The following ATXN2 variants were observed in gnomAD, a reference collection of about 807,000 sequenced individuals.
ATXN2 encodes ataxin 2.
ATXN2 carries 37 observed loss-of-function variants against 138.6 expected under a neutral mutation model. That is an observed-to-expected ratio of 0.27 (90% CI 0.21 to 0.35). The LOEUF (loss-of-function observed/expected upper bound fraction) is 0.35, where lower values mean the gene tolerates loss of function less well. ATXN2 is among the 10% of genes least tolerant of loss of function. The pLI, the probability that ATXN2 is intolerant of heterozygous loss-of-function variation, is 1.00. For synonymous variants in ATXN2, 549 were observed against 543.7 expected (o/e 1.01, Z -0.13); for missense variants, 1,216 against 1,480.3 (o/e 0.82, Z 2.93).
chr12:111,509,408 G>C, intron 14 of ATXN2, 141 bp downstream of exon 14: 3 of 584,252 alleles, frequency 5.1e-6, no homozygotes, highest in Non-Finnish European at 9.3e-6. Context: ...GATAGGCAAA[G>C]ACCACTTTAA....
intron 1 of ATXN2, among the ~76,000 whole-genome samples, chr12:111,594,300 T>G (rs370061543): frequency 6.6e-6 from 1 of 152,190 alleles, no homozygotes; most frequent in African/African-American, 2.4e-5. Context: ...TCACTGAAAT[T>G]TAAATGGAAG....
intron 1 of ATXN2, among the ~76,000 whole-genome samples, chr12:111,595,067 T>C (rs1884868780): frequency 6.6e-6 from 1 of 152,184 alleles, no homozygotes; most frequent in South Asian, 2.1e-4. Flanking sequence ...AATTTTTCCT[T>C]TAAAAATTCC....
chr12:111,486,714 T>G (rs1877669528), intron 16 of ATXN2, 47 bp downstream of exon 16: 2 of 1,498,250 alleles, frequency 1.3e-6, no homozygotes, highest in Non-Finnish European at 9.2e-7. Flanking sequence ...ACTAATAATT[T>G]TTCTTTTTTT....
Position 111,598,481 on chromosome 12 carries a change from G to C in ATXN2, c.251+303C>G, listed in dbSNP as rs541696191. On this transcript the variant is annotated intron_variant, in intron 1 of 24. Transcript: ENST00000673436. The surrounding 1 kb of genome is among the most constrained non-coding windows in gnomAD (Gnocchi z 4.5). ...GGGGGAGCCGGGGCTGACCATCGCC[G>C]CTACCCGAGAACCCCTCCCAACACG... is the stretch of plus-strand genomic sequence containing the variant. The C allele has an allele frequency of 1.3e-4, 131 of 984,900 alleles. No homozygotes were observed. In the African/African-American group the frequency reaches 1.8e-3, roughly 13 times the overall value. The allele number at this position is 984,900 out of a possible 1,614,324, so 61.0% of individuals were successfully genotyped here. A position where few individuals can be genotyped will look rare whatever the true frequency, so the allele number is the denominator to read the frequency against.
In ATXN2 at chr12:111,474,890, G is replaced by T. The variant is rs937425159; in HGVS notation, c.2525-4148C>A. Among the ~76,000 whole-genome samples, 6 of 149,902 alleles carry T rather than the reference G, an allele frequency of 4.0e-5. No homozygotes were observed. The Admixed American group carries it at 4.0e-4, about 10-fold the overall frequency. On this transcript the variant is annotated intron_variant, in intron 18 of 24. Transcript: ENST00000673436. ...TTTGAGGTCAGGAGTTCAAGACCGG[G>T]CTGGCCAACATGGTGAAACCCCATC...
chr12:111,537,308 G>A (rs996702369), intron 5 of ATXN2, among the ~76,000 whole-genome samples: 55 of 152,162 alleles, frequency 3.6e-4, no homozygotes, highest in African/African-American at 1.3e-3. Flanking sequence ...TATATGGCCA[G>A]ATGCGGTGGC....
chr12:111,505,405 A>G (rs1592841803), intron 14 of ATXN2, among the ~76,000 whole-genome samples: 1 of 152,234 alleles, frequency 6.6e-6, no homozygotes, highest in Non-Finnish European at 1.5e-5. Flanking sequence ...GAAAAAGTAA[A>G]AAGACAACCA....
At position 111,552,525 on chromosome 12, in the gene ATXN2, C is replaced by A. The variant is rs1882175769; in HGVS notation, c.421-95G>T. ...CATCAAGGTACCAGTTCTTATATGC[C>A]TTTGACAAAAATAATCTCAAGAGAA... On this transcript the variant is annotated intron_variant, in intron 4 of 24. Coordinates refer to ENST00000673436, the MANE Select transcript of ATXN2 (RefSeq NM_001372574.1). The surrounding 1 kb of genome is among the most constrained non-coding windows in gnomAD (Gnocchi z 4.1). 7.9e-7 allele frequency: 1 copy of A among 1,258,772 alleles called. No homozygotes were observed. Among genetic ancestry groups the A allele is most frequent in the Non-Finnish European group, 1.1e-6 (1 of 926,838 alleles). 78.0% of individuals were successfully genotyped at this position (1,258,772 alleles called of 1,614,324 possible).
At chr12:111,481,019 T>C (rs781100121) in intron 18 of ATXN2, among the ~76,000 whole-genome samples, 2 of 152,140 alleles carry the variant, frequency 1.3e-5, no homozygotes, top group Non-Finnish European at 2.9e-5. Context: ...AGTAAAAAGA[T>C]AACCTATAGT....
intron 1 of ATXN2, among the ~76,000 whole-genome samples, chr12:111,574,298 ACT>A (rs1883507466): frequency 8.4e-6 from 1 of 119,008 alleles, no homozygotes; most frequent in African/African-American, 3.4e-5. Flanking sequence ...ACAGAGCAAG[ACT>A]CTGTCTCCAA....
At position 111,494,891 on chromosome 12, in the gene ATXN2, C is replaced by T. The variant is rs181216996; in HGVS notation, c.1936-6111G>A. 8.5e-5 allele frequency among the ~76,000 whole-genome samples: 13 copies of T among 152,160 alleles called. No homozygotes were observed. In the East Asian group the frequency reaches 2.5e-3, roughly 29 times the overall value. On this transcript the variant is annotated intron_variant, in intron 14 of 24. Transcript: ENST00000673436. ...AGAAGGGGGAAGGGAGGGAGTAGGA[C>T]TACAAAACAACCAGATAATAAGTAA...
chr12:111,470,370 G>T, intron 19 of ATXN2, 130 bp from the exon 20 acceptor site: 1 of 1,271,214 alleles, frequency 7.9e-7, no homozygotes, highest in Non-Finnish European at 1.1e-6. Flanking sequence ...AATCTTTCTT[G>T]GCTGTTTCCT....
intron 1 of ATXN2, among the ~76,000 whole-genome samples, chr12:111,585,089 T>A (rs1340688833): frequency 6.6e-6 from 1 of 152,200 alleles, no homozygotes; most frequent in South Asian, 2.1e-4. Context: ...GAAAAATACT[T>A]CTTTGGGAGA....
At position 111,599,249 on chromosome 12, in the gene ATXN2, G is replaced by A. The variant is rs1318594762; in HGVS notation, c.-215C>T. Reference sequence around the variant, plus strand: ...GAGACCAAGGAGCCGCCGGGAGCCGGGCCGAAACGCGCCGCCGCCGTTGCC... The same window carrying A: ...GAGACCAAGGAGCCGCCGGGAGCCGAGCCGAAACGCGCCGCCGCCGTTGCC... On this transcript the variant is annotated 5_prime_UTR_variant, in exon 1 of 25. Coordinates refer to ENST00000673436, the MANE Select transcript of ATXN2 (RefSeq NM_001372574.1). 6.7e-6 allele frequency: 8 copies of A among 1,196,364 alleles called. No homozygotes were observed. The South Asian group carries it at 2.4e-4, about 36-fold the overall frequency. The allele number at this position is 1,196,364 out of a possible 1,614,324, so 74.1% of individuals were successfully genotyped here. A position where few individuals can be genotyped will look rare whatever the true frequency, so the allele number is the denominator to read the frequency against.
intron 5 of ATXN2, among the ~76,000 whole-genome samples, chr12:111,534,170 C>CAGGTG (rs77758158): frequency 0.035 from 5,386 of 152,054 alleles, 144 homozygotes; most frequent in South Asian, 0.055. Context: ...GAAGCCAAGG[C>CAGGTG]AGGTGGACTG....
chr12:111,594,492 A>G (rs1043577831), intron 1 of ATXN2, among the ~76,000 whole-genome samples: 2 of 152,070 alleles, frequency 1.3e-5, no homozygotes, highest in African/African-American at 4.8e-5. Context: ...GCGCCTGGCT[A>G]AACAGCACAA....
intron 18 of ATXN2, 29 bp downstream of exon 18, chr12:111,485,236 C>T (rs760311941): frequency 3.1e-6 from 5 of 1,590,320 alleles, no homozygotes; most frequent in Non-Finnish European, 4.3e-6. Flanking sequence ...ATGCAAACTA[C>T]AAGCAAACAC....
intron 2 of ATXN2, among the ~76,000 whole-genome samples, chr12:111,554,944 C>G (rs1182681361): frequency 6.6e-6 from 1 of 152,188 alleles, no homozygotes; most frequent in African/African-American, 2.4e-5. Flanking sequence ...AACCACACTA[C>G]TCCATATTAC....
rs1052664779 is a variant in ATXN2 at position 111,453,430 on chromosome 12, T to TTGC, written c.3439+244_3439+246dup. 2.7e-5 allele frequency: 34 copies of TTGC among 1,246,764 alleles called. No homozygotes were observed. Among genetic ancestry groups the TTGC allele is most frequent in the Non-Finnish European group, 3.4e-5 (34 of 994,852 alleles). 77.2% of individuals were successfully genotyped at this position (1,246,764 alleles called of 1,614,324 possible). A position where few individuals can be genotyped will look rare whatever the true frequency, so the allele number is the denominator to read the frequency against. On this transcript the variant is annotated intron_variant, in intron 24 of 24. Coordinates refer to ENST00000673436, the MANE Select transcript of ATXN2 (RefSeq NM_001372574.1). This position sits in a 1 kb window ranked among gnomAD's most constrained non-coding sequence, Gnocchi z 5.4. ...GTCCTAGGCATGCATCAGGCTGCTG[T>TTGC]TGCTGCTGCTGCTGCTTCTCATCAA...
Sources: gnomAD v4.1 joint callset for allele counts (sites outside exome capture counted in the v4.1 genomes callset) on GRCh38, gnomAD v4.1.1 for gene constraint, Gnocchi (gnomAD v3.1) non-coding constraint, MANE v1.5 for transcripts, NCBI Gene and HGNC (gene_info 2026-07-23, HGNC 2026-07-21) for gene names.